HOOK3: variants seen among roughly 807,000 people sequenced by gnomAD.
The protein encoded by HOOK3 is protein Hook homolog 3.
A neutral mutation model predicts 116.3 loss-of-function variants in HOOK3; 24 were observed. That is an observed-to-expected ratio of 0.21 (90% CI 0.15 to 0.29). The LOEUF (loss-of-function observed/expected upper bound fraction) is 0.29, where lower values mean the gene tolerates loss of function less well. Among genes scored for constraint, HOOK3 ranks in the 10% least tolerant of loss-of-function variants. The pLI is 1.00. For synonymous variants in HOOK3, 275 were observed against 283.0 expected (o/e 0.97, Z 0.28); for missense variants, 632 against 830.2 (o/e 0.76, Z 2.93).
chr8:42,907,206 T>C (rs1307963524), intron 2 of HOOK3, among the ~76,000 whole-genome samples: 1 of 152,226 alleles, frequency 6.6e-6, no homozygotes, highest in Non-Finnish European at 1.5e-5. Context: ...ACTAGCTGGG[T>C]TGCCCTGCAT....
chr8:42,982,254 T>TAAAAAAAAAAAAA (rs1162075588), intron 13 of HOOK3, among the ~76,000 whole-genome samples: 1 of 89,600 alleles, frequency 1.1e-5, no homozygotes, highest in Non-Finnish European at 2.2e-5. Context: ...GACTCTGTCT[T>TAAAAAAAAAAAAA]AAAAAAAAAA....
intron 6 of HOOK3, among the ~76,000 whole-genome samples, chr8:42,956,223 CGTGTGTGTGTGTGTGTGTGTGT>C (rs61448463): frequency 7.4e-6 from 1 of 135,806 alleles, no homozygotes; most frequent in Admixed American, 7.4e-5. Flanking sequence ...AGGATTAGGG[CGTGTGTGTGTGTGTGTGTGTGT>C]GTGTGTGTGT....
chr8:42,980,750 G>C (rs998498256), intron 13 of HOOK3, among the ~76,000 whole-genome samples: 3 of 152,130 alleles, frequency 2.0e-5, no homozygotes, highest in Non-Finnish European at 2.9e-5. Context: ...TGGGTGTGGA[G>C]ACGGGTGCCT....
intron 6 of HOOK3, among the ~76,000 whole-genome samples, chr8:42,950,842 T>C (rs763365600): frequency 2.6e-5 from 4 of 151,946 alleles, no homozygotes; most frequent in Non-Finnish European, 5.9e-5. Context: ...TGTGCCACCA[T>C]GCCCAGCTAA....
intron 16 of HOOK3, chr8:43,000,309 T>A: frequency 7.9e-7 from 1 of 1,270,690 alleles, no homozygotes; most frequent in Non-Finnish European, 1.0e-6. Flanking sequence ...TTTTATATAG[T>A]GAGCAGTTTT....
intron 1 of HOOK3, among the ~76,000 whole-genome samples, chr8:42,905,067 A>T (rs1426576316): frequency 6.6e-6 from 1 of 152,192 alleles, no homozygotes; most frequent in Non-Finnish European, 1.5e-5. Context: ...TGGCTACATC[A>T]TGTTGATTAG....
At chr8:42,952,061 A>C (rs1006809565) in intron 6 of HOOK3, among the ~76,000 whole-genome samples, 2 of 152,246 alleles carry the variant, frequency 1.3e-5, no homozygotes, top group African/African-American at 4.8e-5. Context: ...AAGTTGGGCC[A>C]AACTTCACAG....
chr8:42,929,167 G>A (rs947850684), intron 3 of HOOK3, among the ~76,000 whole-genome samples: 2 of 152,140 alleles, frequency 1.3e-5, no homozygotes, highest in East Asian at 3.9e-4. Context: ...TTAAAAATAC[G>A]GGAAAATGAA....
intron 13 of HOOK3, among the ~76,000 whole-genome samples, chr8:42,974,498 C>G (rs1808783830): frequency 6.6e-6 from 1 of 152,244 alleles, no homozygotes; most frequent in Non-Finnish European, 1.5e-5. Flanking sequence ...CCTTGGCTCC[C>G]AAAGTGCTGG....
chr8:42,909,647 T>G (rs1404764566), intron 2 of HOOK3, among the ~76,000 whole-genome samples: 1 of 152,098 alleles, frequency 6.6e-6, no homozygotes, highest in Non-Finnish European at 1.5e-5. Flanking sequence ...GTTGTTGTTG[T>G]AGAGATGGGG....
chr8:42,922,013 A>G (rs1807666215), intron 2 of HOOK3, among the ~76,000 whole-genome samples: 1 of 152,242 alleles, frequency 6.6e-6, no homozygotes, highest in African/African-American at 2.4e-5. Context: ...AAGAACCTCA[A>G]CTAAAGTAGC....
At chr8:43,000,277 G>C (rs1809354846) in intron 16 of HOOK3, 1 of 1,286,202 alleles carries the variant, frequency 7.8e-7, no homozygotes, top group Non-Finnish European at 1.0e-6. Flanking sequence ...CAAGGCTATT[G>C]TAAGTATGGC....
chr8:42,899,240 A>G (rs1019284362), intron 1 of HOOK3, among the ~76,000 whole-genome samples: 1 of 152,252 alleles, frequency 6.6e-6, no homozygotes, highest in Non-Finnish European at 1.5e-5. Flanking sequence ...TCTATTTAGA[A>G]TCTCCTAAAA....
In HOOK3 at chr8:43,008,062, A is replaced by G. The variant is rs1809526578; in HGVS notation, c.1738+133A>G. On this transcript the variant is annotated intron_variant, in intron 18 of 21. Transcript: ENST00000307602. ...TTGAGATGAAGTCTCACTCTCACCC[A>G]GGCTGGAGTGCAGTGGTGCGATTTT... 5 of 368,126 alleles carry G rather than the reference A, an allele frequency of 1.4e-5. No individual in the cohort carries two copies. In the South Asian group the frequency reaches 3.9e-4, roughly 29 times the overall value. 22.8% of individuals were successfully genotyped at this position (368,126 alleles called of 1,614,324 possible).
chr8:42,984,700 A>G (rs113416778), intron 14 of HOOK3, among the ~76,000 whole-genome samples: 7,204 of 152,230 alleles, frequency 0.047, 343 homozygotes, highest in African/African-American at 0.12. Flanking sequence ...CCAGGAGTTC[A>G]AGACCATCCT....
At position 43,021,359 on chromosome 8, in the gene HOOK3, C is replaced by G. The variant is rs928875561; in HGVS notation, c.*2861C>G. On this transcript the variant is annotated 3_prime_UTR_variant, in exon 22 of 22. Coordinates refer to ENST00000307602, the MANE Select transcript of HOOK3 (RefSeq NM_032410.4). Reference sequence around the variant, plus strand: ...CGTTCCGTCACCCAGGCTGTAGTGCCGTGGCATGATCTCGGCTCACTGCAG... The same window carrying G: ...CGTTCCGTCACCCAGGCTGTAGTGCGGTGGCATGATCTCGGCTCACTGCAG... 6 of 180,340 alleles carry G rather than the reference C, an allele frequency of 3.3e-5. No individual in the cohort carries two copies. The highest frequency in any genetic ancestry group is 1.9e-4 in the Admixed American group (3 of 15,838). 11.2% of individuals were successfully genotyped at this position (180,340 alleles called of 1,614,324 possible).
chr8:42,956,232 G>A (rs1808432979), intron 6 of HOOK3, among the ~76,000 whole-genome samples: 1 of 147,914 alleles, frequency 6.8e-6, no homozygotes, highest in South Asian at 2.2e-4. Flanking sequence ...GCGTGTGTGT[G>A]TGTGTGTGTG....
At chr8:42,986,132 T>A (rs1809045769) in intron 14 of HOOK3, among the ~76,000 whole-genome samples, 1 of 152,216 alleles carries the variant, frequency 6.6e-6, no homozygotes, top group African/African-American at 2.4e-5. Context: ...TATCCCTTAA[T>A]GTAAGTTTTT....
chr8:42,908,638 C>CA (rs1807361055), intron 2 of HOOK3, among the ~76,000 whole-genome samples: 1 of 152,216 alleles, frequency 6.6e-6, no homozygotes, highest in African/African-American at 2.4e-5. Context: ...ACCCTTATCT[C>CA]ACGCCACATG....
Sources: gnomAD v4.1 joint callset for allele counts (sites outside exome capture counted in the v4.1 genomes callset) on GRCh38, gnomAD v4.1.1 for gene constraint, MANE v1.5 for transcripts, NCBI Gene and HGNC (gene_info 2026-07-23, HGNC 2026-07-21) for gene names.